The following COL22A1 variants were observed in gnomAD, a reference collection of about 807,000 sequenced individuals.
COL22A1 encodes the protein collagen type XXII alpha 1 chain.
In COL22A1, 221 loss-of-function variants were observed where a neutral mutation model predicts 248.9. The ratio of observed to expected loss-of-function variants is 0.89; its 90% CI spans 0.80 to 0.99. The LOEUF is 0.99. COL22A1 is among the 50% of genes least tolerant of loss of function. The probability of loss-of-function intolerance (pLI) is 0.00; values close to 1 mark genes in which losing one functional copy is unlikely to be tolerated. For synonymous variants in COL22A1, 891 were observed against 793.4 expected (o/e 1.12, Z -2.07); for missense variants, 2,240 against 2,179.0 (o/e 1.03, Z -0.56).
At chr8:138,655,757 T>C in intron 45 of COL22A1, 140 bp downstream of exon 45, 2 of 767,962 alleles carry the variant, frequency 2.6e-6, no homozygotes, top group Non-Finnish European at 4.6e-6. Flanking sequence ...AGCCACATGC[T>C]GAGTTGTCAA....
intron 22 of COL22A1, among the ~76,000 whole-genome samples, chr8:138,741,451 G>A (rs1351839650): frequency 6.6e-6 from 1 of 152,158 alleles, no homozygotes; most frequent in Non-Finnish European, 1.5e-5. Flanking sequence ...GGAAGGATAA[G>A]CCATTTAACT....
chr8:138,728,351 CCT>C (rs1830472888), intron 23 of COL22A1, among the ~76,000 whole-genome samples: 1 of 152,018 alleles, frequency 6.6e-6, no homozygotes, highest in African/African-American at 2.4e-5. Context: ...TCTTTGAGGG[CCT>C]CATAGCACCC....
At chr8:138,661,036 AC>A (rs1357922648) in intron 43 of COL22A1, among the ~76,000 whole-genome samples, 45 of 7,432 alleles carry the variant, frequency 6.1e-3, no homozygotes, top group African/African-American at 0.01. Flanking sequence ...ACACACATAT[AC>A]AGACACACAC....
intron 59 of COL22A1, among the ~76,000 whole-genome samples, chr8:138,602,449 T>C (rs1200057902): frequency 6.6e-6 from 1 of 152,120 alleles, no homozygotes; most frequent in Non-Finnish European, 1.5e-5. Flanking sequence ...CCACTCCCTT[T>C]AACATGTCCA....
intron 7 of COL22A1, among the ~76,000 whole-genome samples, chr8:138,817,756 G>A (rs1027472362): frequency 3.9e-5 from 6 of 152,122 alleles, no homozygotes; most frequent in Non-Finnish European, 7.3e-5. Flanking sequence ...TCATGATGAC[G>A]CATTTATTGA....
At chr8:138,833,622 T>C (rs1428762082) in intron 4 of COL22A1, among the ~76,000 whole-genome samples, 2 of 152,250 alleles carry the variant, frequency 1.3e-5, no homozygotes, top group Non-Finnish European at 2.9e-5. Context: ...TTCCTGATTT[T>C]TAAAGAGAGA....
intron 41 of COL22A1, among the ~76,000 whole-genome samples, chr8:138,669,175 G>A (rs1587819419): frequency 6.6e-6 from 1 of 152,188 alleles, no homozygotes. Context: ...GCGGAGTGGC[G>A]AAGGGGTCAG....
intron 4 of COL22A1, among the ~76,000 whole-genome samples, chr8:138,835,016 G>A (rs1820323066): frequency 6.6e-6 from 1 of 152,198 alleles, no homozygotes; most frequent in Non-Finnish European, 1.5e-5. Flanking sequence ...CGGCACTGGA[G>A]AGGAACAGAG....
At chr8:138,644,409 T>C in intron 47 of COL22A1, among the ~76,000 whole-genome samples, 1 of 152,020 alleles carries the variant, frequency 6.6e-6, no homozygotes, top group East Asian at 1.9e-4. Flanking sequence ...CCGTAAGGGC[T>C]AAAAAAGCTA....
At chr8:138,865,883 GTGTA>G (rs1822850155) in intron 3 of COL22A1, among the ~76,000 whole-genome samples, 1 of 151,444 alleles carries the variant, frequency 6.6e-6, no homozygotes. Context: ...GCCTGTGTAT[GTGTA>G]TGTGTGTGCC....
rs10633143 is a variant in COL22A1, at chr8:138,845,516, AAAATAAAT to A, written c.659-1366_659-1359del. Reference sequence around the variant, plus strand: ...GGTGACAGAATGAGACTCCACCTCAAAAATAAATAAATAAATAAATAAATAAATAATAA... The same window carrying A: ...GGTGACAGAATGAGACTCCACCTCAAAAATAAATAAATAAATAAATAATAA... On this transcript the variant is annotated intron_variant, in intron 3 of 64. Transcript: ENST00000303045. Among the ~76,000 whole-genome samples, 469 of 147,594 alleles carry A rather than the reference AAAATAAAT, an allele frequency of 3.2e-3. 1 individual carries two copies. Among genetic ancestry groups the A allele is most frequent in the Middle Eastern group, 0.014 (4 of 286 alleles).
At chr8:138,852,063 G>T (rs1278934753) in intron 3 of COL22A1, among the ~76,000 whole-genome samples, 1 of 152,140 alleles carries the variant, frequency 6.6e-6, no homozygotes, top group Non-Finnish European at 1.5e-5. Flanking sequence ...GGGGAGTGAT[G>T]CATGGGAGGT....
At chr8:138,813,769 C>T (rs1384534845) in intron 7 of COL22A1, among the ~76,000 whole-genome samples, 1 of 152,080 alleles carries the variant, frequency 6.6e-6, no homozygotes, top group Non-Finnish European at 1.5e-5. Flanking sequence ...GGCCTCTGCC[C>T]TCCGCTCCGC....
chr8:138,602,100 G>C lies in COL22A1; in HGVS notation c.4185+15C>G. ...CGCGTTCGGCGTGTTCAAGGTGCCTGTGCTCTCCACTCACCCTTTCTCCTT... is the reference window on the plus strand; with the variant it reads ...CGCGTTCGGCGTGTTCAAGGTGCCTCTGCTCTCCACTCACCCTTTCTCCTT... On this transcript the variant is annotated intron_variant, in intron 60 of 64. Transcript: ENST00000303045. 1 of 1,614,030 alleles carries C rather than the reference G, an allele frequency of 6.2e-7. No individual in the cohort carries two copies.
intron 47 of COL22A1, among the ~76,000 whole-genome samples, chr8:138,646,033 C>T (rs1822176342): frequency 6.6e-6 from 1 of 152,160 alleles, no homozygotes. Flanking sequence ...TCAAACAGCC[C>T]CAGCCCTAGA....
intron 1 of COL22A1, among the ~76,000 whole-genome samples, chr8:138,895,174 C>T (rs1405925467): frequency 6.6e-6 from 1 of 151,972 alleles, no homozygotes; most frequent in Non-Finnish European, 1.5e-5. Context: ...TCTTACTATA[C>T]CAAAATGAGG....
chr8:138,806,593 G>A (rs977081153), intron 10 of COL22A1, among the ~76,000 whole-genome samples: 1 of 152,182 alleles, frequency 6.6e-6, no homozygotes, highest in Admixed American at 6.5e-5. Flanking sequence ...CACCATTTCG[G>A]CTTTTGATTT....
intron 1 of COL22A1, among the ~76,000 whole-genome samples, chr8:138,892,085 C>T (rs1586980447): frequency 6.6e-6 from 1 of 152,266 alleles, no homozygotes; most frequent in East Asian, 1.9e-4. Flanking sequence ...ATGAGAGTTA[C>T]TGGTCTGTGG....
intron 12 of COL22A1, 81 bp downstream of exon 12, chr8:138,796,738 T>C (rs960105651): frequency 2.1e-6 from 2 of 959,076 alleles, no homozygotes; most frequent in Non-Finnish European, 3.4e-6. Flanking sequence ...CCAGGCAACA[T>C]AACAGTAGCA....
Sources: gnomAD v4.1 joint callset for allele counts (sites outside exome capture counted in the v4.1 genomes callset) on GRCh38, gnomAD v4.1.1 for gene constraint, MANE v1.5 for transcripts, NCBI Gene and HGNC (gene_info 2026-07-23, HGNC 2026-07-21) for gene names.